The following CABCOCO1 variants were observed in gnomAD, a reference collection of about 807,000 sequenced individuals.
CABCOCO1 encodes the protein ciliary-associated calcium-binding coiled-coil protein 1.
Under a neutral mutation model 35.7 loss-of-function variants are expected in CABCOCO1, and 28 were observed. That is an observed-to-expected ratio of 0.78 (90% CI 0.58 to 1.07). The LOEUF is 1.07. CABCOCO1 is among the 50% of genes least tolerant of loss of function. The probability of loss-of-function intolerance (pLI) is 0.00; values close to 1 mark genes in which losing one functional copy is unlikely to be tolerated. For synonymous variants in CABCOCO1, 95 were observed against 100.1 expected, an observed-to-expected ratio of 0.95 and a Z score of 0.30; for missense variants, 326 against 309.2, an observed-to-expected ratio of 1.05 and a Z score of -0.41.
chr10:61,744,725 C>T (rs145078372), intron 5 of CABCOCO1, among the ~76,000 whole-genome samples: 75 of 152,286 alleles, frequency 4.9e-4, no homozygotes, highest in South Asian at 3.7e-3. Flanking sequence ...AAGGAGAGAA[C>T]ATCAGCCCTG....
chr10:61,760,908 G>T lies in CABCOCO1; in HGVS notation c.721G>T (p.Asp241Tyr). The change falls in exon 7 of 8, where the codon GAC becomes TAC. Residue 241 changes from aspartate to tyrosine, a missense_variant. Asp to Tyr is a radical substitution (Grantham distance 160, BLOSUM62 -3). Transcript: ENST00000648843. ...CCCTGAGGAGTCTCAGCCAGAAACT[G>T]ACACCTCAGACATGGATCCTTTAGT... ...QGPEESQPET[D>Y]TSDMDPLVGF... 6.2e-7 allele frequency: 1 copy of T among 1,612,734 alleles called. No homozygotes were observed. Among genetic ancestry groups the T allele is most frequent in the South Asian group, 1.1e-5 (1 of 91,022 alleles).
intron 2 of CABCOCO1, among the ~76,000 whole-genome samples, 160 bp from the exon 3 acceptor site, chr10:61,680,983 G>C (rs1839773802): frequency 6.6e-6 from 1 of 151,380 alleles, no homozygotes; most frequent in Non-Finnish European, 1.5e-5. Flanking sequence ...CTCTCTCTCT[G>C]TTTCTTTTTT....
intron 2 of CABCOCO1, among the ~76,000 whole-genome samples, chr10:61,676,076 A>G (rs1839504694): frequency 6.6e-6 from 1 of 152,220 alleles, no homozygotes; most frequent in Non-Finnish European, 1.5e-5. Context: ...TAGCAAGGTT[A>G]GTCTGCAAAA....
rs1376878470 is a variant in CABCOCO1, at chr10:61,725,561, A to G, written c.553-34498A>G. Among the ~76,000 whole-genome samples the G allele has an allele frequency of 2.1e-5, 3 of 142,404 alleles. No homozygotes were observed. In the East Asian group the frequency reaches 6.8e-4, roughly 32 times the overall value. The allele number at this position is 142,404 out of a possible 152,430, so 93.4% of individuals were successfully genotyped here. On this transcript the variant is annotated intron_variant, in intron 5 of 7. Transcript: ENST00000648843. ...ACTCATAGGTGGGAACTGAACAATG[A>G]GAACACTTGGACATAGGGTGGGGAA...
At chr10:61,677,718 C>T (rs1839561217) in intron 2 of CABCOCO1, among the ~76,000 whole-genome samples, 1 of 151,916 alleles carries the variant, frequency 6.6e-6, no homozygotes. Flanking sequence ...ACAACAGGCC[C>T]CAGTGTGTGA....
At chr10:61,726,186 A>G (rs375328967) in intron 5 of CABCOCO1, among the ~76,000 whole-genome samples, 8 of 152,358 alleles carry the variant, frequency 5.3e-5, no homozygotes, top group African/African-American at 1.9e-4. Flanking sequence ...CAATATGTCC[A>G]TGAAGATTTC....
chr10:61,712,057 C>T (rs917546678), intron 5 of CABCOCO1, among the ~76,000 whole-genome samples: 1 of 152,256 alleles, frequency 6.6e-6, no homozygotes, highest in Non-Finnish European at 1.5e-5. Context: ...GGAATCGCCA[C>T]ACTGTCTTCC....
chr10:61,669,227 A>T (rs116585213), intron 1 of CABCOCO1, among the ~76,000 whole-genome samples: 1,762 of 152,078 alleles, frequency 0.012, 26 homozygotes, highest in African/African-American at 0.04. Context: ...GAAAAAATAT[A>T]TACAAATGTG....
chr10:61,680,667 ATAAC>A (rs1839735889), intron 2 of CABCOCO1, among the ~76,000 whole-genome samples: 3 of 77,640 alleles, frequency 3.9e-5, no homozygotes, highest in Non-Finnish European at 8.6e-5. Context: ...TTATACATGT[ATAAC>A]ATATATGTTA....
In CABCOCO1 at chr10:61,727,731, C is replaced by T. The variant is rs569934909; in HGVS notation, c.553-32328C>T. On this transcript the variant is annotated intron_variant, in intron 5 of 7. Coordinates refer to ENST00000648843, the MANE Select transcript of CABCOCO1 (RefSeq NM_001366906.2). ...AACATTTTATAATTTTGCAAATTATCGGCATGACTCAATAAAAAATAAACC... is the reference window on the plus strand; with the variant it reads ...AACATTTTATAATTTTGCAAATTATTGGCATGACTCAATAAAAAATAAACC... 1.1e-3 allele frequency among the ~76,000 whole-genome samples: 160 copies of T among 152,196 alleles called. 1 individual carries two copies. The highest frequency in any genetic ancestry group is 3.6e-3 in the African/African-American group (149 of 41,546).
intron 4 of CABCOCO1, among the ~76,000 whole-genome samples, chr10:61,689,927 C>A (rs906302239): frequency 6.6e-6 from 1 of 152,066 alleles, no homozygotes; most frequent in South Asian, 2.1e-4. Flanking sequence ...TGTATGCTGA[C>A]CACCTAGTCT....
At chr10:61,735,978 T>C (rs1401544796) in intron 5 of CABCOCO1, among the ~76,000 whole-genome samples, 1 of 152,180 alleles carries the variant, frequency 6.6e-6, no homozygotes, top group Non-Finnish European at 1.5e-5. Flanking sequence ...TATCTGTTCA[T>C]GTCCTTTGCC....
At chr10:61,763,790 TA>T (rs548021084) in intron 7 of CABCOCO1, among the ~76,000 whole-genome samples, 412 of 137,340 alleles carry the variant, frequency 3.0e-3, no homozygotes, top group Middle Eastern at 3.8e-3. Context: ...TTTTTTTCCT[TA>T]AAAAAAAAAA....
chr10:61,680,724 ATT>A (rs1491272195), intron 2 of CABCOCO1, among the ~76,000 whole-genome samples: 18 of 103,712 alleles, frequency 1.7e-4, no homozygotes, highest in Non-Finnish European at 2.6e-4. Context: ...TAACATATAT[ATT>A]ATATATATAA....
intron 5 of CABCOCO1, among the ~76,000 whole-genome samples, chr10:61,742,200 G>C (rs1017553460): frequency 7.2e-5 from 11 of 152,150 alleles, no homozygotes; most frequent in South Asian, 2.1e-4. Flanking sequence ...GCAAGACTCG[G>C]GGGGAGACAG....
intron 5 of CABCOCO1, among the ~76,000 whole-genome samples, chr10:61,694,582 T>C (rs1840244005): frequency 6.6e-6 from 1 of 151,870 alleles, no homozygotes; most frequent in African/African-American, 2.4e-5. Context: ...AAACTATAAT[T>C]TGGTCAACAC....
intron 5 of CABCOCO1, among the ~76,000 whole-genome samples, chr10:61,736,500 G>A (rs189761679): frequency 1.2e-4 from 19 of 152,088 alleles, no homozygotes; most frequent in African/African-American, 3.4e-4. Context: ...TTTGGTCTAC[G>A]TGCCTGTTTT....
At chr10:61,691,828 CT>C (rs1180462319) in intron 5 of CABCOCO1, among the ~76,000 whole-genome samples, 1 of 152,032 alleles carries the variant, frequency 6.6e-6, no homozygotes, top group African/African-American at 2.4e-5. Context: ...TGAACTCATC[CT>C]TTTTTATGGC....
chr10:61,704,480 G>A (rs1222416045), intron 5 of CABCOCO1, among the ~76,000 whole-genome samples: 2 of 152,180 alleles, frequency 1.3e-5, no homozygotes, highest in African/African-American at 4.8e-5. Flanking sequence ...GGCCCACAAG[G>A]CCAGAGCCTG....
Sources: gnomAD v4.1 joint callset for allele counts (sites outside exome capture counted in the v4.1 genomes callset) on GRCh38, gnomAD v4.1.1 for gene constraint, MANE v1.5 for transcripts, NCBI Gene and HGNC (gene_info 2026-07-23, HGNC 2026-07-21) for gene names.